CCP110: variants seen among roughly 807,000 people sequenced by gnomAD.
CCP110 encodes centriolar coiled-coil protein of 110 kDa.
In CCP110, 43 loss-of-function variants were observed where a neutral mutation model predicts 105.5. That is an observed-to-expected ratio of 0.41 (90% CI 0.32 to 0.53). CCP110 has a LOEUF of 0.53. CCP110 is among the 20% of genes least tolerant of loss of function. The probability of loss-of-function intolerance (pLI) is 0.32; values close to 1 mark genes in which losing one functional copy is unlikely to be tolerated. For missense variants in CCP110, 1,016 were observed against 1,189.1 expected, an observed-to-expected ratio of 0.85 and a Z score of 2.14; for synonymous variants, 353 against 392.1, an observed-to-expected ratio of 0.90 and a Z score of 1.18.
Position 19,545,978 on chromosome 16 carries a change from TAA to T in CCP110, c.2777+90_2777+91del, listed in dbSNP as rs1970445171. ...CTATTTGCATATTTAAATTTAGAAA[TAA>T]AGAGTTAATTTTTCTGCAGTTGAGC... On this transcript the variant is annotated intron_variant, in intron 11 of 14. Transcript: ENST00000381396. The T allele has an allele frequency of 4.0e-5, 31 of 768,976 alleles. No homozygotes were observed. The Middle Eastern group carries it at 1.1e-3, about 27-fold the overall frequency. The allele number at this position is 768,976 out of a possible 1,614,324, so 47.6% of individuals were successfully genotyped here.
Position 19,536,192 on chromosome 16 carries a change from G to T in CCP110, c.523G>T (p.Asp175Tyr), listed in dbSNP as rs898162949. Reference sequence around the variant, plus strand: ...AGGATTTAATTCTCCGAAGCAATGTGATAGTTCCAATATTAGTCATGTAGA... The same window carrying T: ...AGGATTTAATTCTCCGAAGCAATGTTATAGTTCCAATATTAGTCATGTAGA... Residue 175 changes from aspartate (D) to tyrosine (Y), a missense_variant, in exon 4 of 15, where the codon GAT becomes TAT. Asp to Tyr is a radical substitution (Grantham distance 160). Transcript: ENST00000381396. The T allele has an allele frequency of 8.7e-6, 14 of 1,614,110 alleles. No homozygotes were observed. In the East Asian group the frequency reaches 3.1e-4, roughly 36 times the overall value.
chr16:19,547,617 A>G (rs1446207745), intron 12 of CCP110: 2 of 185,662 alleles, frequency 1.1e-5, no homozygotes, highest in African/African-American at 4.7e-5. Flanking sequence ...TACTCCTGTA[A>G]AATGAGAGTG....
intron 2 of CCP110, among the ~76,000 whole-genome samples, chr16:19,530,372 A>C (rs1321672092): frequency 2.0e-5 from 3 of 151,868 alleles, no homozygotes; most frequent in Admixed American, 6.6e-5. Flanking sequence ...CAGGTTAAAG[A>C]TTTTTGGAAT....
At chr16:19,533,715 A>G (rs934276057) in intron 3 of CCP110, among the ~76,000 whole-genome samples, 1 of 152,190 alleles carries the variant, frequency 6.6e-6, no homozygotes, top group African/African-American at 2.4e-5. Flanking sequence ...CTTTGTCCGT[A>G]TCTTGTCAGA....
At chr16:19,535,985 G>C in exon 4 of CCP110, 2 of 1,612,608 alleles carry the variant, frequency 1.2e-6, no homozygotes, top group South Asian at 2.2e-5. Flanking sequence ...GTGGGAGATG[G>C]AAACAGTTTA....
At chr16:19,542,917 A>C in exon 8 of CCP110, 1 of 1,613,280 alleles carries the variant, frequency 6.2e-7, no homozygotes, top group Non-Finnish European at 8.5e-7. Flanking sequence ...TAACAAAATA[A>C]CTGCAGTGGC....
Position 19,544,782 on chromosome 16 carries a change from C to A in CCP110, c.2485-15C>A, listed in dbSNP as rs1411830627. 4.7e-6 allele frequency: 6 copies of A among 1,266,432 alleles called. No individual in the cohort carries two copies. The highest frequency in any genetic ancestry group is 6.8e-6 in the Non-Finnish European group (6 of 881,476). The allele number at this position is 1,266,432 out of a possible 1,614,324, so 78.4% of individuals were successfully genotyped here. A position where few individuals can be genotyped will look rare whatever the true frequency, so the allele number is the denominator to read the frequency against. The stretch of plus-strand genomic sequence containing the variant: ...TTCTAGAAAAATGTTTTTGAAGGAG[C>A]ATTTCTTTTTTCAGGATACTATGGA... On this transcript the variant is annotated splice_polypyrimidine_tract_variant and intron_variant, in intron 8 of 14. Transcript: ENST00000381396.
chr16:19,532,342 T>C, intron 2 of CCP110, 74 bp from the exon 3 acceptor site: 1 of 1,314,838 alleles, frequency 7.6e-7, no homozygotes. Context: ...TTTTTAATCT[T>C]TCTGATTCAC....
chr16:19,532,370 A>G (rs887690647), intron 2 of CCP110, 46 bp from the exon 3 acceptor site: 2 of 1,504,628 alleles, frequency 1.3e-6, no homozygotes, highest in Non-Finnish European at 1.8e-6. Flanking sequence ...CGATTTTATG[A>G]TATTTTTATC....
chr16:19,536,573 C>T (rs770881191), exon 4 of CCP110: 11 of 1,614,042 alleles, frequency 6.8e-6, no homozygotes, highest in African/African-American at 2.7e-5. Flanking sequence ...AAATGTTCTT[C>T]TCCAAGGTGC....
exon 15 of CCP110, chr16:19,553,094 C>T (rs1457778897): frequency 6.6e-6 from 1 of 152,094 alleles, no homozygotes; most frequent in African/African-American, 2.4e-5. Flanking sequence ...GTGTGTAATG[C>T]AAATTAGTTA....
At chr16:19,538,973 G>C (rs570738430) in intron 4 of CCP110, among the ~76,000 whole-genome samples, 1 of 151,858 alleles carries the variant, frequency 6.6e-6, no homozygotes, top group Non-Finnish European at 1.5e-5. Flanking sequence ...TTAGCTGGGC[G>C]TAGTGGTGCA....
At chr16:19,551,348 A>T in exon 15 of CCP110, 1 of 956,824 alleles carries the variant, frequency 1.0e-6, no homozygotes, top group Non-Finnish European at 1.7e-6. Context: ...GTTTACACAG[A>T]CAAAGTGACA....
intron 3 of CCP110, among the ~76,000 whole-genome samples, chr16:19,535,666 A>G (rs919932221): frequency 6.6e-6 from 1 of 152,184 alleles, no homozygotes; most frequent in Non-Finnish European, 1.5e-5. Context: ...ACACATATAT[A>G]TGTTCATATT....
At chr16:19,539,515 G>T (rs1359243488) in intron 4 of CCP110, among the ~76,000 whole-genome samples, 1 of 151,030 alleles carries the variant, frequency 6.6e-6, no homozygotes, top group African/African-American at 2.4e-5. Flanking sequence ...GCGCCACCAC[G>T]CCCAGCTGTT....
At position 19,527,850 on chromosome 16, in the gene CCP110, A is replaced by G. The variant is rs200994132; in HGVS notation, c.-15-17A>G. 1.1e-4 allele frequency: 177 copies of G among 1,593,366 alleles called. 5 individuals are homozygous for G. Among genetic ancestry groups the G allele is most frequent in the South Asian group, 1.1e-3 (97 of 87,606 alleles). Reference sequence around the variant, plus strand: ...TTTTTCCCAGTACATTAAAAATAACATTTTTCTCTCTTGTAGTGTGACTGT... The same window carrying G: ...TTTTTCCCAGTACATTAAAAATAACGTTTTTCTCTCTTGTAGTGTGACTGT... On this transcript the variant is annotated splice_polypyrimidine_tract_variant and intron_variant, in intron 1 of 14. Coordinates refer to ENST00000381396, the Ensembl canonical transcript of CCP110.
intron 6 of CCP110, 101 bp from the exon 7 acceptor site, chr16:19,542,520 G>T: frequency 1.2e-6 from 1 of 834,948 alleles, no homozygotes; most frequent in Non-Finnish European, 1.9e-6. Flanking sequence ...ATTTTTGGAG[G>T]CAGTTGTTAT....
exon 2 of CCP110, chr16:19,527,935 A>G (rs746566764): frequency 1.2e-6 from 2 of 1,613,636 alleles, no homozygotes; most frequent in Non-Finnish European, 8.5e-7. Flanking sequence ...TACAAGAAGC[A>G]TCACTATCCA....
chr16:19,545,943 A>G, intron 11 of CCP110, 53 bp downstream of exon 11: 2 of 1,024,732 alleles, frequency 2.0e-6, no homozygotes, highest in Non-Finnish European at 3.0e-6. Flanking sequence ...AATTTTAGTC[A>G]TCTGTTGGTC....
Sources: gnomAD v4.1 joint callset for allele counts (sites outside exome capture counted in the v4.1 genomes callset) on GRCh38, gnomAD v4.1.1 for gene constraint, MANE v1.5 for transcripts, NCBI Gene and HGNC (gene_info 2026-07-23, HGNC 2026-07-21) for gene names.